HS3ST3B1: variants seen among roughly 807,000 people sequenced by gnomAD.
The protein encoded by HS3ST3B1 is heparan sulfate glucosamine 3-O-sulfotransferase 3B1.
Under a neutral mutation model 21.3 loss-of-function variants are expected in HS3ST3B1, and 13 were observed. The observed-to-expected ratio is 0.61, with a 90% CI of 0.40 to 0.97. The LOEUF (loss-of-function observed/expected upper bound fraction) is 0.97. Among genes scored for constraint, HS3ST3B1 ranks in the 50% least tolerant of loss-of-function variants. The probability of loss-of-function intolerance (pLI) is 0.00; values close to 1 mark genes in which losing one functional copy is unlikely to be tolerated. For missense variants in HS3ST3B1, 459 were observed against 554.8 expected (o/e 0.83, Z 1.73); for synonymous variants, 234 against 254.8 (o/e 0.92, Z 0.78).
intron 1 of HS3ST3B1, among the ~76,000 whole-genome samples, chr17:14,313,113 T>TATATATATACAC (rs71147857): frequency 3.5e-4 from 45 of 129,934 alleles, no homozygotes; most frequent in Non-Finnish European, 5.9e-4. Context: ...TGTGTGTATA[T>TATATATATACAC]ATATATATAT....
chr17:14,342,517 A>C (rs941411340), intron 1 of HS3ST3B1, among the ~76,000 whole-genome samples: 5 of 152,216 alleles, frequency 3.3e-5, no homozygotes, highest in African/African-American at 1.2e-4. Flanking sequence ...GATATGCCGT[A>C]AACTGTGTAT....
chr17:14,305,810 A>G (rs989539574), intron 1 of HS3ST3B1, among the ~76,000 whole-genome samples: 3 of 152,140 alleles, frequency 2.0e-5, no homozygotes, highest in Admixed American at 6.5e-5. Context: ...TGTTTTCCCT[A>G]TGTTCCAGGC....
At chr17:14,316,292 G>A (rs1010930333) in intron 1 of HS3ST3B1, among the ~76,000 whole-genome samples, 1 of 152,240 alleles carries the variant, frequency 6.6e-6, no homozygotes, top group Admixed American at 6.5e-5. Flanking sequence ...AAGTGGAGTT[G>A]CAGTGAATCA....
chr17:14,330,319 G>A (rs1259404484), intron 1 of HS3ST3B1, among the ~76,000 whole-genome samples: 1 of 152,122 alleles, frequency 6.6e-6, no homozygotes, highest in Non-Finnish European at 1.5e-5. Context: ...AGGGGTGGGA[G>A]AAAGGGTGGT....
rs371155674 is a variant in HS3ST3B1, at chr17:14,301,488, C to T, written c.-31C>T. The T allele has an allele frequency of 9.1e-5, 135 of 1,475,792 alleles. No homozygotes were observed. The African/African-American group carries it at 1.9e-3, about 21-fold the overall frequency. The allele number at this position is 1,475,792 out of a possible 1,614,324, so 91.4% of individuals were successfully genotyped here. ...GGCGGGACCCACGCCATGTGCTGAG[C>T]CATGTCCCTGGCCGCGCCCGCGGGC... On this transcript the variant is annotated 5_prime_UTR_variant, in exon 1 of 2. Transcript: ENST00000360954.
At chr17:14,307,547 T>C (rs1367841959) in intron 1 of HS3ST3B1, among the ~76,000 whole-genome samples, 1 of 152,242 alleles carries the variant, frequency 6.6e-6, no homozygotes, top group Non-Finnish European at 1.5e-5. Context: ...AAATGACTCC[T>C]TGAATCACTA....
At chr17:14,339,326 A>G (rs1181336496) in intron 1 of HS3ST3B1, among the ~76,000 whole-genome samples, 1 of 152,170 alleles carries the variant, frequency 6.6e-6, no homozygotes, top group East Asian at 1.9e-4. Flanking sequence ...AACAATTATG[A>G]TCGGCAGTGA....
intron 1 of HS3ST3B1, among the ~76,000 whole-genome samples, chr17:14,316,542 C>T (rs539889297): frequency 5.5e-4 from 84 of 152,032 alleles, no homozygotes; most frequent in Admixed American, 1.4e-3. Flanking sequence ...AGCTTTTTTC[C>T]ACCCTGCCTG....
intron 1 of HS3ST3B1, among the ~76,000 whole-genome samples, chr17:14,344,048 C>T (rs960998508): frequency 1.3e-5 from 2 of 152,058 alleles, no homozygotes; most frequent in African/African-American, 4.8e-5. Flanking sequence ...AGACATGCAC[C>T]ACCACACCCA....
chr17:14,309,367 C>T (rs1479669975), intron 1 of HS3ST3B1, among the ~76,000 whole-genome samples: 1 of 152,186 alleles, frequency 6.6e-6, no homozygotes, highest in Admixed American at 6.5e-5. Context: ...GGTAGTCCTC[C>T]GTGGCCACGT....
chr17:14,318,277 A>T (rs1909560031), intron 1 of HS3ST3B1, among the ~76,000 whole-genome samples: 1 of 152,176 alleles, frequency 6.6e-6, no homozygotes, highest in African/African-American at 2.4e-5. Flanking sequence ...TCCCTTCACC[A>T]GTCCTGCTGA....
intron 1 of HS3ST3B1, among the ~76,000 whole-genome samples, chr17:14,343,338 T>C (rs1910448466): frequency 6.6e-6 from 1 of 152,166 alleles, no homozygotes. Flanking sequence ...GGTAAGAAAC[T>C]GGAAAATCTG....
intron 1 of HS3ST3B1, among the ~76,000 whole-genome samples, chr17:14,326,015 G>A (rs1373872482): frequency 6.6e-6 from 1 of 152,138 alleles, no homozygotes; most frequent in African/African-American, 2.4e-5. Context: ...CTGTGTGTGT[G>A]TGTGTACGTG....
chr17:14,339,188 G>A (rs1445307005), intron 1 of HS3ST3B1, among the ~76,000 whole-genome samples: 1 of 152,120 alleles, frequency 6.6e-6, no homozygotes, highest in Non-Finnish European at 1.5e-5. Context: ...GAAGAGGCGG[G>A]GCCAGGGTTG....
rs187381395 is a variant in HS3ST3B1, at chr17:14,335,686, T to G, written c.555-9342T>G. ...TCCAGCCAGGGCAACAGAGCAAGACTCTGTCTCAAAAAAAAAAAAGGAAAA... is the reference window on the plus strand; with the variant it reads ...TCCAGCCAGGGCAACAGAGCAAGACGCTGTCTCAAAAAAAAAAAAGGAAAA... On this transcript the variant is annotated intron_variant, in intron 1 of 1. Transcript: ENST00000360954. Among the ~76,000 whole-genome samples, 508 of 151,490 alleles carry G rather than the reference T, an allele frequency of 3.4e-3. 6 individuals carry two copies. Among genetic ancestry groups the G allele is most frequent in the African/African-American group, 0.01 (432 of 41,254 alleles).
At chr17:14,341,617 T>C (rs1225008804) in intron 1 of HS3ST3B1, among the ~76,000 whole-genome samples, 2 of 151,852 alleles carry the variant, frequency 1.3e-5, no homozygotes, top group Non-Finnish European at 2.9e-5. Context: ...CGTTAGTAAA[T>C]GGAGGTGCTG....
At chr17:14,315,575 C>A (rs1909471250) in intron 1 of HS3ST3B1, among the ~76,000 whole-genome samples, 1 of 152,158 alleles carries the variant, frequency 6.6e-6, no homozygotes, top group African/African-American at 2.4e-5. Context: ...GTAATCCCAG[C>A]ACTTTGGGAG....
In HS3ST3B1 at chr17:14,301,540, G is replaced by T. The variant is rs761996975; in HGVS notation, c.22G>T (p.Gly8Cys). MGQRLSG[G>C]RSCLDVPGRL... ...GCGCATGGGGCAGCGCCTGAGTGGCGGCAGATCTTGCCTCGATGTCCCCGG... is the reference window on the plus strand; with the variant it reads ...GCGCATGGGGCAGCGCCTGAGTGGCTGCAGATCTTGCCTCGATGTCCCCGG... Residue 8 changes from glycine (G) to cysteine (C), a missense_variant, in exon 1 of 2, where the codon GGC becomes TGC. Transcript: ENST00000360954. The T allele has an allele frequency of 2.7e-5, 42 of 1,576,320 alleles. 1 individual carries two copies. The highest frequency in any genetic ancestry group is 3.3e-5 in the Non-Finnish European group (39 of 1,169,706).
intron 1 of HS3ST3B1, among the ~76,000 whole-genome samples, chr17:14,313,367 C>T (rs985736172): frequency 2.0e-5 from 3 of 151,570 alleles, no homozygotes; most frequent in African/African-American, 7.3e-5. Flanking sequence ...CCCTGCTAGT[C>T]ACCACCCCTT....
Sources: allele counts gnomAD v4.1 joint callset (sites outside exome capture counted in the v4.1 genomes callset), GRCh38; gene constraint gnomAD v4.1.1; transcripts MANE v1.5; gene names NCBI Gene and HGNC (gene_info 2026-07-23, HGNC 2026-07-21).